Variants in KIAA0232 observed in about 807,000 individuals in gnomAD.
The protein encoded by KIAA0232 is uncharacterized protein KIAA0232.
In KIAA0232, 27 loss-of-function variants were observed where a neutral mutation model predicts 122.0. The ratio of observed to expected loss-of-function variants is 0.22; its 90% CI spans 0.16 to 0.31. KIAA0232 has a LOEUF of 0.31. KIAA0232 is among the 10% of genes least tolerant of loss of function. KIAA0232 has a pLI of 1.00. For synonymous variants in KIAA0232, 613 were observed against 587.6 expected, an observed-to-expected ratio of 1.04 and a Z score of -0.63; for missense variants, 1,551 against 1,634.2, an observed-to-expected ratio of 0.95 and a Z score of 0.88.
At chr4:6,846,583 C>T (rs767187701) in intron 4 of KIAA0232, among the ~76,000 whole-genome samples, 1 of 151,862 alleles carries the variant, frequency 6.6e-6, no homozygotes, top group Non-Finnish European at 1.5e-5. Flanking sequence ...TTGTCTTCCA[C>T]GAAACCAGTC....
intron 1 of KIAA0232, among the ~76,000 whole-genome samples, chr4:6,785,094 C>G (rs1389503609): frequency 6.6e-6 from 1 of 152,098 alleles, no homozygotes; most frequent in Non-Finnish European, 1.5e-5. Flanking sequence ...CATGCCACCA[C>G]CCCCGGCTAA....
chr4:6,859,570 A>C (rs1720751117), intron 6 of KIAA0232, among the ~76,000 whole-genome samples: 1 of 152,240 alleles, frequency 6.6e-6, no homozygotes, highest in Non-Finnish European at 1.5e-5. Context: ...AGTTTAGTTA[A>C]ATATATTACT....
chr4:6,788,959 TTTTC>T (rs1489251988), intron 1 of KIAA0232, among the ~76,000 whole-genome samples: 2 of 138,946 alleles, frequency 1.4e-5, no homozygotes, highest in African/African-American at 5.1e-5. Context: ...AAAAATCTCA[TTTTC>T]TTTCTTTTTT....
intron 9 of KIAA0232, among the ~76,000 whole-genome samples, chr4:6,879,809 A>T: frequency 9.1e-6 from 1 of 110,424 alleles, no homozygotes. Context: ...CCTTCCCAAC[A>T]CACCCATCTG....
In KIAA0232 at chr4:6,861,543, C is replaced by T; in HGVS notation, c.1161C>T (p.Tyr387=). Residue 387 remains tyrosine, a synonymous_variant, in exon 7 of 10, where the codon TAC becomes TAT. Transcript: ENST00000307659. The part of the protein sequence containing the change: ...DPGSTEGKDL[Y]MENRKDTEYK... ...GGAGCACTGAAGGAAAAGACCTGTACATGGAGAATAGAAAGGACACAGAGT... is the reference window on the plus strand; with the variant it reads ...GGAGCACTGAAGGAAAAGACCTGTATATGGAGAATAGAAAGGACACAGAGT... 6.2e-7 allele frequency: 1 copy of T among 1,613,988 alleles called. No homozygotes were observed.
intron 2 of KIAA0232, among the ~76,000 whole-genome samples, chr4:6,822,101 A>C (rs532221326): frequency 1.3e-5 from 2 of 152,202 alleles, no homozygotes; most frequent in South Asian, 4.1e-4. Flanking sequence ...ACGTCTCCAG[A>C]ATTGAGTGTG....
chr4:6,803,180 T>C (rs927716126), intron 1 of KIAA0232, among the ~76,000 whole-genome samples: 2 of 145,946 alleles, frequency 1.4e-5, no homozygotes, highest in Non-Finnish European at 3.0e-5. Context: ...ATACTTTACC[T>C]CTTGAAAGAA....
At position 6,862,450 on chromosome 4, in the gene KIAA0232, A is replaced by G; in HGVS notation, c.2068A>G (p.Ile690Val). 6.2e-7 allele frequency: 1 copy of G among 1,614,198 alleles called. No homozygotes were observed. Among genetic ancestry groups the G allele is most frequent in the Non-Finnish European group, 8.5e-7 (1 of 1,180,040 alleles). The change falls in exon 7 of 10, where the codon ATA becomes GTA. Residue 690 changes from isoleucine to valine, a missense_variant. By Grantham distance (29) the Ile-to-Val change is conservative. Transcript: ENST00000307659. ...TGGGAAAACACAGTCTAGATTGCTA[A>G]TATGGACCAAAAATAGTGCCTTTGA... is the stretch of plus-strand genomic sequence containing the variant. ...MLGKTQSRLL[I>V]WTKNSAFEEN...
At chr4:6,804,064 T>G (rs1003773144) in intron 1 of KIAA0232, among the ~76,000 whole-genome samples, 1 of 152,248 alleles carries the variant, frequency 6.6e-6, no homozygotes, top group African/African-American at 2.4e-5. Context: ...TTGAGAAATA[T>G]ATCTATTTTA....
chr4:6,882,804 A>G lies in KIAA0232; in HGVS notation c.*1838A>G, dbSNP rs959042685. ...AATTTAACAGCAAAAGTAAAAAAGG[A>G]TTGAAAGTTGTAAATTCCTCATATC... On this transcript the variant is annotated 3_prime_UTR_variant, in exon 10 of 10. Transcript: ENST00000307659. 2 of 152,682 alleles carry G rather than the reference A, an allele frequency of 1.3e-5. No individual in the cohort carries two copies. Among genetic ancestry groups the G allele is most frequent in the African/African-American group, 4.8e-5 (2 of 41,460 alleles). 9.5% of individuals were successfully genotyped at this position (152,682 alleles called of 1,614,324 possible).
At chr4:6,864,236 C>G in intron 7 of KIAA0232, 53 bp downstream of exon 7, 1 of 1,506,788 alleles carries the variant, frequency 6.6e-7, no homozygotes, top group Admixed American at 2.2e-5. Context: ...GAGTTTAACC[C>G]AAGAACAGAC....
At chr4:6,836,749 T>C (rs1719304364) in intron 3 of KIAA0232, among the ~76,000 whole-genome samples, 1 of 152,070 alleles carries the variant, frequency 6.6e-6, no homozygotes, top group Non-Finnish European at 1.5e-5. Flanking sequence ...CGGTGATGAC[T>C]CTTAAGGAGC....
chr4:6,813,611 C>T (rs1717979738), intron 2 of KIAA0232, among the ~76,000 whole-genome samples: 1 of 152,132 alleles, frequency 6.6e-6, no homozygotes, highest in South Asian at 2.1e-4. Flanking sequence ...ATCCGCCCGC[C>T]TCGGCCTCCC....
intron 1 of KIAA0232, among the ~76,000 whole-genome samples, chr4:6,784,110 CAG>C (rs1716498701): frequency 6.6e-6 from 1 of 151,778 alleles, no homozygotes; most frequent in Admixed American, 6.6e-5. Context: ...CAGTTAAAAA[CAG>C]GAGGGAGATT....
At chr4:6,843,133 T>G (rs563353992) in intron 4 of KIAA0232, among the ~76,000 whole-genome samples, 1 of 152,338 alleles carries the variant, frequency 6.6e-6, no homozygotes, top group African/African-American at 2.4e-5. Context: ...ACAAAATAAT[T>G]AAAAAATATC....
intron 3 of KIAA0232, among the ~76,000 whole-genome samples, chr4:6,836,136 T>A (rs1246035718): frequency 3.3e-5 from 5 of 152,216 alleles, no homozygotes; most frequent in African/African-American, 1.2e-4. Flanking sequence ...ATCTGTTGTT[T>A]CCTGACTTTT....
chr4:6,864,060 A>G lies in KIAA0232; in HGVS notation c.3678A>G (p.Ser1226=). 6.2e-7 allele frequency: 1 copy of G among 1,614,224 alleles called. No homozygotes were observed. Among genetic ancestry groups the G allele is most frequent in the Non-Finnish European group, 8.5e-7 (1 of 1,180,022 alleles). The change falls in exon 7 of 10, where the codon TCA becomes TCG. Residue 1226 remains serine (S), a synonymous_variant. Coordinates refer to ENST00000307659, the MANE Select transcript of KIAA0232 (RefSeq NM_014743.3). The part of the protein sequence containing the change: ...NESLEIDLES[S]EANCKIMAQC... ...CCCTGGAAATAGATTTAGAAAGCTC[A>G]GAAGCAAATTGTAAAATAATGGCAC...
intron 2 of KIAA0232, among the ~76,000 whole-genome samples, chr4:6,815,722 G>A (rs1251216375): frequency 6.6e-6 from 1 of 152,138 alleles, no homozygotes; most frequent in African/African-American, 2.4e-5. Flanking sequence ...AGTCTGTACT[G>A]TGTAGATTTT....
chr4:6,801,089 G>C (rs879329), intron 1 of KIAA0232, among the ~76,000 whole-genome samples: 130,591 of 152,196 alleles, frequency 0.86, 56,356 homozygotes, highest in Non-Finnish European at 0.91. Flanking sequence ...GGAATTGTCA[G>C]CATTTCCCCA....
Sources: allele counts gnomAD v4.1 joint callset (sites outside exome capture counted in the v4.1 genomes callset), GRCh38; gene constraint gnomAD v4.1.1; transcripts MANE v1.5; gene names NCBI Gene and HGNC (gene_info 2026-07-23, HGNC 2026-07-21).